The following BRF1 variants were observed in gnomAD, a reference collection of about 807,000 sequenced individuals.
The protein encoded by BRF1 is transcription factor IIIB 90 kDa subunit.
In BRF1, 59 loss-of-function variants were observed where a neutral mutation model predicts 81.7. The ratio of observed to expected loss-of-function variants is 0.72; its 90% confidence interval spans 0.59 to 0.90. The LOEUF (loss-of-function observed/expected upper bound fraction) is 0.90. Among genes scored for constraint, BRF1 ranks in the 40% least tolerant of loss-of-function variants. BRF1 has a pLI of 0.00. For missense variants in BRF1, 1,050 were observed against 936.3 expected (o/e 1.12, Z -1.58); for synonymous variants, 491 against 395.6 (o/e 1.24, Z -2.86).
At chr14:105,304,323 T>A (rs1566882420), upstream of BRF1, among the ~76,000 whole-genome samples, 1 of 151,928 alleles carries the variant, frequency 6.6e-6, no homozygotes, top group Non-Finnish European at 1.5e-5. Flanking sequence ...AACCCATCTT[T>A]CCAAAAAATA....
intron 15 of BRF1, chr14:105,217,184 T>A (rs1891466300): frequency 2.7e-6 from 1 of 372,232 alleles, no homozygotes; most frequent in Non-Finnish European, 5.0e-6. Flanking sequence ...GCAGCCAGGG[T>A]GCGCAGAGCA....
At chr14:105,211,055 T>C in intron 17 of BRF1, 67 bp downstream of exon 17, 1 of 1,578,472 alleles carries the variant, frequency 6.3e-7, no homozygotes. Context: ...AGTTCAGGGA[T>C]CATGAGGGGC....
At chr14:105,279,499 G>C (rs1480317797) in intron 2 of BRF1, among the ~76,000 whole-genome samples, 1 of 151,810 alleles carries the variant, frequency 6.6e-6, no homozygotes, top group Non-Finnish European at 1.5e-5. Context: ...TAATGCCGCA[G>C]CGAGTGTGCT....
In BRF1 at chr14:105,228,770, A is replaced by G. The variant is rs923020194; in HGVS notation, c.788+50T>C. The stretch of plus-strand genomic sequence containing the variant: ...GCTCTGGCAAGCAGGCCTGAGCTGG[A>G]CTGATGAAGCCTCTGTGTGGTCCCC... On this transcript the variant is annotated intron_variant, in intron 7 of 17. Transcript: ENST00000547530. 9 of 1,601,028 alleles carry G rather than the reference A, an allele frequency of 5.6e-6. No individual in the cohort carries two copies. In the East Asian group the frequency reaches 1.8e-4, roughly 32 times the overall value.
chr14:105,304,324 C>A (rs1159610995), upstream of BRF1, among the ~76,000 whole-genome samples: 1 of 151,920 alleles, frequency 6.6e-6, no homozygotes, highest in Non-Finnish European at 1.5e-5. Context: ...ACCCATCTTT[C>A]CAAAAAATAC....
chr14:105,255,664 C>T (rs587709445), intron 4 of BRF1, among the ~76,000 whole-genome samples: 19 of 152,318 alleles, frequency 1.2e-4, no homozygotes, highest in African/African-American at 4.3e-4. Flanking sequence ...AGCCTCGGTG[C>T]CCCCACCCTG....
chr14:105,307,079 CTG>C (rs1240311604), intron 1 of BRF1, among the ~76,000 whole-genome samples: 1 of 151,428 alleles, frequency 6.6e-6, no homozygotes, highest in African/African-American at 2.4e-5. Context: ...GGGTCTCACT[CTG>C]TCACCCAGGC....
At chr14:105,313,266 T>C (rs1442500068) in intron 1 of BRF1, among the ~76,000 whole-genome samples, 1 of 152,206 alleles carries the variant, frequency 6.6e-6, no homozygotes, top group Non-Finnish European at 1.5e-5. Flanking sequence ...AATGGGTGCC[T>C]GTCTCCTGCC....
At chr14:105,286,755 G>A (rs587675200) in intron 1 of BRF1, among the ~76,000 whole-genome samples, 4 of 152,260 alleles carry the variant, frequency 2.6e-5, no homozygotes, top group South Asian at 4.1e-4. Flanking sequence ...ATAGGTGCCC[G>A]CCACCACGCC....
chr14:105,224,465 C>G (rs1023739915), intron 10 of BRF1, among the ~76,000 whole-genome samples: 4 of 152,324 alleles, frequency 2.6e-5, no homozygotes, highest in African/African-American at 7.2e-5. Context: ...AAGCTTGACC[C>G]AAATAAATTA....
intron 12 of BRF1, 191 bp from the exon 13 acceptor site, chr14:105,219,423 T>C: frequency 7.7e-7 from 1 of 1,305,346 alleles, no homozygotes; most frequent in African/African-American, 1.5e-5. Flanking sequence ...CTCTGTGGCC[T>C]GTCCCAAGGC....
chr14:105,248,118 G>A, intron 5 of BRF1: 2 of 985,504 alleles, frequency 2.0e-6, no homozygotes, highest in Non-Finnish European at 2.4e-6. Flanking sequence ...GGAAATAGCA[G>A]CGCCTGCCCC....
chr14:105,306,059 G>C (rs747277069), intron 1 of BRF1, among the ~76,000 whole-genome samples: 16 of 152,322 alleles, frequency 1.1e-4, no homozygotes, highest in East Asian at 9.6e-4. Context: ...TCCTTCATGG[G>C]GGCCCCAGAG....
chr14:105,219,378 G>A, intron 12 of BRF1, 146 bp from the exon 13 acceptor site: 1 of 1,468,728 alleles, frequency 6.8e-7, no homozygotes, highest in Non-Finnish European at 9.0e-7. Flanking sequence ...CCTGGGCTGA[G>A]GCCTCATCGC....
intron 1 of BRF1, among the ~76,000 whole-genome samples, chr14:105,294,084 G>A (rs951198875): frequency 2.0e-5 from 3 of 152,182 alleles, no homozygotes; most frequent in African/African-American, 7.2e-5. Flanking sequence ...AGGGAGGAAG[G>A]ATGCCAAGTG....
rs1383009789 is a variant in BRF1 at position 105,241,387 on chromosome 14, G to A, written c.572C>T (p.Ala191Val). The change falls in exon 6 of 18, where the codon GCG (alanine) becomes GTG (valine). Residue 191 changes from alanine to valine, a missense_variant. Ala to Val is a moderately conservative substitution (Grantham distance 64, BLOSUM62 0). Coordinates refer to ENST00000547530, the MANE Select transcript of BRF1 (RefSeq NM_001519.4). ...IDPCLYIPRF[A>V]HLLEFGEKNH... is the part of the protein sequence containing the mutation. ...CTTCTCCCCGAATTCCAGCAGGTGC[G>A]CAAAGCGTGGAATATACAGGCACGG... 4.3e-6 allele frequency: 7 copies of A among 1,612,446 alleles called. No homozygotes were observed. The highest frequency in any genetic ancestry group is 1.7e-5 in the Admixed American group (1 of 59,994).
intron 2 of BRF1, among the ~76,000 whole-genome samples, chr14:105,279,821 A>G (rs893184513): frequency 1.3e-5 from 2 of 152,246 alleles, no homozygotes; most frequent in African/African-American, 4.8e-5. Flanking sequence ...TCAACAGGAA[A>G]AGGAGATAAA....
At position 105,275,998 on chromosome 14, in the gene BRF1, G is replaced by C. The variant is rs60346114; in HGVS notation, c.266-3104C>G. ...AGAGGGGGCCCTCACTAGAGAGCTGGGGAGGAGGCCACAGTGAGAAGGAGC... is the reference window on the plus strand; with the variant it reads ...AGAGGGGGCCCTCACTAGAGAGCTGCGGAGGAGGCCACAGTGAGAAGGAGC... On this transcript the variant is annotated intron_variant, in intron 2 of 17. Coordinates refer to ENST00000547530, the MANE Select transcript of BRF1 (RefSeq NM_001519.4). Among the ~76,000 whole-genome samples the C allele has an allele frequency of 8.7e-3, 990 of 114,016 alleles. 12 individuals carry two copies. Among genetic ancestry groups the C allele is most frequent in the African/African-American group, 0.039 (914 of 23,298 alleles). 74.8% of individuals were successfully genotyped at this position (114,016 alleles called of 152,430 possible).
At chr14:105,248,661 G>T in intron 5 of BRF1, 4 of 981,050 alleles carry the variant, frequency 4.1e-6, no homozygotes, top group Non-Finnish European at 4.8e-6. Flanking sequence ...AGGGGCGGGG[G>T]TGGCAGGGGA....
Sources: allele counts gnomAD v4.1 joint callset (sites outside exome capture counted in the v4.1 genomes callset), GRCh38; gene constraint gnomAD v4.1.1; transcripts MANE v1.5; gene names NCBI Gene and HGNC (gene_info 2026-07-23, HGNC 2026-07-21).